Variants in ACAP2 observed in about 807,000 individuals in gnomAD.
ACAP2 encodes the protein arf-GAP with coiled-coil, ANK repeat and PH domain-containing protein 2.
Under a neutral mutation model 115.8 loss-of-function variants are expected in ACAP2, and 39 were observed. The ratio of observed to expected loss-of-function variants is 0.34; its 90% CI spans 0.26 to 0.44. The LOEUF (loss-of-function observed/expected upper bound fraction) is 0.44. Among genes scored for constraint, ACAP2 ranks in the 20% least tolerant of loss-of-function variants. ACAP2 has a pLI of 1.00. For missense variants in ACAP2, 662 were observed against 927.6 expected (o/e 0.71, Z 3.72); for synonymous variants, 289 against 315.8 (o/e 0.92, Z 0.90).
chr3:195,367,041 C>A (rs1031024544), intron 4 of ACAP2, among the ~76,000 whole-genome samples: 1 of 145,208 alleles, frequency 6.9e-6, no homozygotes, highest in African/African-American at 2.6e-5. Context: ...TTATATGCCC[C>A]CCAACCCCGC....
chr3:195,362,829 C>A (rs1732461030), intron 4 of ACAP2, among the ~76,000 whole-genome samples: 1 of 152,118 alleles, frequency 6.6e-6, no homozygotes. Flanking sequence ...AGCCCATATA[C>A]AACAGATCCA....
At chr3:195,320,058 T>C (rs531171668) in intron 10 of ACAP2, among the ~76,000 whole-genome samples, 1 of 152,226 alleles carries the variant, frequency 6.6e-6, no homozygotes, top group South Asian at 2.1e-4. Context: ...AAAGCGGCAA[T>C]TTCCCCTGAG....
chr3:195,289,803 C>CAAAAAAAAAA (rs35498756), intron 20 of ACAP2, among the ~76,000 whole-genome samples: 1 of 111,964 alleles, frequency 8.9e-6, no homozygotes, highest in Admixed American at 1.0e-4. Context: ...GACTCCGTCT[C>CAAAAAAAAAA]AAAAAAAAAA....
chr3:195,366,130 C>A (rs1367165437), intron 4 of ACAP2, among the ~76,000 whole-genome samples: 2 of 152,216 alleles, frequency 1.3e-5, no homozygotes, highest in African/African-American at 4.8e-5. Flanking sequence ...CAGGCGTGAG[C>A]TACCATGTCT....
chr3:195,284,895 A>G (rs1726743587), intron 22 of ACAP2, among the ~76,000 whole-genome samples: 1 of 152,228 alleles, frequency 6.6e-6, no homozygotes, highest in Non-Finnish European at 1.5e-5. Context: ...AAGAAAACCA[A>G]TAATTACTCT....
At chr3:195,317,956 T>TC in intron 10 of ACAP2, among the ~76,000 whole-genome samples, 1 of 152,116 alleles carries the variant, frequency 6.6e-6, no homozygotes, top group African/African-American at 2.4e-5. Flanking sequence ...TGAACTGTAA[T>TC]CCCCACATGC....
chr3:195,295,614 T>TAA, intron 17 of ACAP2, 94 bp downstream of exon 17: 13 of 1,369,428 alleles, frequency 9.5e-6, no homozygotes, highest in East Asian at 4.6e-5. Context: ...TTTTTAACAT[T>TAA]AAAAAAAACG....
intron 1 of ACAP2, among the ~76,000 whole-genome samples, chr3:195,393,889 G>GC (rs1051028717): frequency 3.4e-5 from 5 of 146,858 alleles, no homozygotes; most frequent in African/African-American, 5.0e-5. Context: ...TATATTGGGG[G>GC]GGGGGGAAGC....
At chr3:195,424,283 A>ATATT (rs1179576221) in intron 1 of ACAP2, among the ~76,000 whole-genome samples, 3 of 54,110 alleles carry the variant, frequency 5.5e-5, no homozygotes, top group Middle Eastern at 0.015. Flanking sequence ...ATATATATAT[A>ATATT]TTTTTTTTTT....
At chr3:195,396,812 A>AAAAAAAAAAG (rs1711827152) in intron 1 of ACAP2, among the ~76,000 whole-genome samples, 1 of 149,784 alleles carries the variant, frequency 6.7e-6, no homozygotes, top group African/African-American at 2.5e-5. Flanking sequence ...AAAAAAAAAA[A>AAAAAAAAAAG]AAGAAGAAGT....
At chr3:195,355,281 C>CTTTTTTTTTTTTTTTTTTTTG (rs11345721) in intron 4 of ACAP2, among the ~76,000 whole-genome samples, 1 of 126,854 alleles carries the variant, frequency 7.9e-6, no homozygotes, top group African/African-American at 2.9e-5. Context: ...TCTTTTTCTT[C>CTTTTTTTTTTTTTTTTTTTTG]TTTTTTTTTT....
At chr3:195,426,440 C>T (rs1220879544) in intron 1 of ACAP2, among the ~76,000 whole-genome samples, 1 of 152,112 alleles carries the variant, frequency 6.6e-6, no homozygotes. Context: ...AGGAAGGGGG[C>T]CATTCTAAAA....
Position 195,432,454 on chromosome 3 carries a change from C to T in ACAP2, c.53+10341G>A, listed in dbSNP as rs551434520. ...ATTTGTTCAAAAGACTATTCTTTCA[C>T]GCATTGAATTGTCTGGGTACCTCTG... On this transcript the variant is annotated intron_variant, in intron 1 of 22. Coordinates refer to ENST00000326793, the MANE Select transcript of ACAP2 (RefSeq NM_012287.6). Among the ~76,000 whole-genome samples the T allele has an allele frequency of 4.6e-4, 70 of 152,302 alleles. 1 individual carries two copies. Among genetic ancestry groups the T allele is most frequent in the South Asian group, 4.1e-3 (20 of 4,826 alleles).
At chr3:195,378,754 G>A (rs562055002) in intron 4 of ACAP2, among the ~76,000 whole-genome samples, 2 of 151,104 alleles carry the variant, frequency 1.3e-5, no homozygotes, top group East Asian at 3.9e-4. Flanking sequence ...CCAGCAACTT[G>A]GGAGGCTGAG....
chr3:195,285,095 G>A (rs1429022901), intron 22 of ACAP2, among the ~76,000 whole-genome samples: 5 of 152,290 alleles, frequency 3.3e-5, no homozygotes, highest in South Asian at 2.1e-4. Context: ...AAATACTTCC[G>A]CTTATCTAAG....
At position 195,342,462 on chromosome 3, in the gene ACAP2, A is replaced by T; in HGVS notation, c.528+9T>A. 1 of 1,584,554 alleles carries T rather than the reference A, an allele frequency of 6.3e-7. No homozygotes were observed. Among genetic ancestry groups the T allele is most frequent in the Non-Finnish European group, 8.5e-7 (1 of 1,171,460 alleles). ...TGTCTGAAAACATACACAGTAAGAA[A>T]CTATATACCTGAAGCACATAATCGA... On this transcript the variant is annotated intron_variant, in intron 6 of 22. Coordinates refer to ENST00000326793, the MANE Select transcript of ACAP2 (RefSeq NM_012287.6).
chr3:195,396,865 A>C (rs2108782038), intron 1 of ACAP2, among the ~76,000 whole-genome samples: 1 of 151,722 alleles, frequency 6.6e-6, no homozygotes, highest in East Asian at 1.9e-4. Flanking sequence ...AATCCTTAAA[A>C]ACTAACAACC....
chr3:195,307,418 C>A, intron 11 of ACAP2, 95 bp from the exon 12 acceptor site: 3 of 724,640 alleles, frequency 4.1e-6, no homozygotes, highest in East Asian at 2.7e-5. Context: ...CATAACTGGT[C>A]TAATTTTCAA....
chr3:195,285,453 T>G (rs973042057), intron 22 of ACAP2: 5 of 207,662 alleles, frequency 2.4e-5, no homozygotes, highest in African/African-American at 1.1e-4. Context: ...CTGCTGTAAG[T>G]ATATGAAGAA....
Sources: gnomAD v4.1 joint callset for allele counts (sites outside exome capture counted in the v4.1 genomes callset) on GRCh38, gnomAD v4.1.1 for gene constraint, MANE v1.5 for transcripts, NCBI Gene and HGNC (gene_info 2026-07-23, HGNC 2026-07-21) for gene names.